DSE: variants seen among roughly 807,000 people sequenced by gnomAD.
DSE encodes the protein dermatan-sulfate epimerase.
In DSE, 36 loss-of-function variants were observed where a neutral mutation model predicts 84.4. The observed-to-expected ratio is 0.43, with a 90% CI of 0.33 to 0.56. DSE has a LOEUF of 0.56. Among genes scored for constraint, DSE ranks in the 20% least tolerant of loss-of-function variants. The pLI is 0.06. For synonymous variants in DSE, 410 were observed against 430.1 expected (o/e 0.95, Z 0.58); for missense variants, 862 against 1,169.6 (o/e 0.74, Z 3.84).
At chr6:116,388,386 G>A (rs989345915) in intron 1 of DSE, among the ~76,000 whole-genome samples, 5 of 152,188 alleles carry the variant, frequency 3.3e-5, no homozygotes, top group Non-Finnish European at 7.3e-5. Flanking sequence ...GCTTTACTCA[G>A]TTTAGTCTCT....
chr6:116,368,455 C>A (rs1034686583), upstream of DSE, among the ~76,000 whole-genome samples: 10 of 152,326 alleles, frequency 6.6e-5, no homozygotes, highest in South Asian at 2.1e-4. Context: ...AATATGTCAA[C>A]AAGCTAAGAG....
At chr6:116,275,403 C>CT (rs1773086339) in intron 2 of DSE, among the ~76,000 whole-genome samples, 1 of 152,198 alleles carries the variant, frequency 6.6e-6, no homozygotes, top group African/African-American at 2.4e-5. Flanking sequence ...TTGACATTTT[C>CT]CCATTTGCTC....
At position 116,441,014 on chromosome 6, in the gene DSE, T is replaced by G. The variant is rs1222576427; in HGVS notation, c.*3669T>G. On this transcript the variant is annotated 3_prime_UTR_variant, in exon 6 of 6. Coordinates refer to ENST00000644252, the MANE Select transcript of DSE (RefSeq NM_013352.4). ...ACTTTCATGTTGAGAAGTAGTTTCT[T>G]TCTGCAGTTTATTTAATTTACTGGC... is the stretch of plus-strand genomic sequence containing the variant. 6.6e-6 allele frequency: 1 copy of G among 152,234 alleles called. No individual in the cohort carries two copies. 9.4% of individuals were successfully genotyped at this position (152,234 alleles called of 1,614,324 possible).
At chr6:116,370,038 T>A, upstream of DSE, 3 of 1,044,370 alleles carry the variant, frequency 2.9e-6, no homozygotes, top group Non-Finnish European at 3.9e-6. Flanking sequence ...ATGGCCCTGA[T>A]CCTACCTCAC....
intron 2 of DSE, among the ~76,000 whole-genome samples, chr6:116,344,090 A>G (rs1777790496): frequency 6.6e-6 from 1 of 152,264 alleles, no homozygotes; most frequent in African/African-American, 2.4e-5. Context: ...GAGAAAAAAG[A>G]GTAAAAAGAA....
intron 2 of DSE, among the ~76,000 whole-genome samples, chr6:116,324,930 C>T (rs1327178684): frequency 6.6e-6 from 1 of 152,180 alleles, no homozygotes; most frequent in African/African-American, 2.4e-5. Flanking sequence ...TATATTTGTA[C>T]TATGAGGCAC....
chr6:116,286,329 A>G (rs1043006131), intron 2 of DSE, among the ~76,000 whole-genome samples: 1 of 152,128 alleles, frequency 6.6e-6, no homozygotes, highest in African/African-American at 2.4e-5. Flanking sequence ...TGTAACCATC[A>G]TTGATGTTAA....
chr6:116,413,854 C>T (rs1314343095), intron 2 of DSE, among the ~76,000 whole-genome samples: 1 of 152,168 alleles, frequency 6.6e-6, no homozygotes, highest in Non-Finnish European at 1.5e-5. Flanking sequence ...ACCATGAGGG[C>T]AGCAAAAATT....
rs569943037 is a variant in DSE at position 116,380,428 on chromosome 6, G to T, written c.-54+9307G>T. On this transcript the variant is annotated intron_variant, in intron 1 of 5. Coordinates refer to ENST00000644252, the MANE Select transcript of DSE (RefSeq NM_013352.4). ...GCAGTAGGATTGCAGGAAGGAAGAG[G>T]TTCCAAGGGCAGAAGAGGGGGAATG... Among the ~76,000 whole-genome samples the T allele has an allele frequency of 4.6e-5, 7 of 152,142 alleles. No individual in the cohort carries two copies. In the South Asian group the frequency reaches 1.2e-3, roughly 27 times the overall value.
chr6:116,370,799 G>T (rs193218281), upstream of DSE: 410 of 981,294 alleles, frequency 4.2e-4, 2 homozygotes, highest in African/African-American at 6.4e-3. Context: ...GGGGGAGGGG[G>T]TCCCCGTTTC....
chr6:116,357,331 G>T (rs1283963590), intron 2 of DSE, among the ~76,000 whole-genome samples: 2 of 152,086 alleles, frequency 1.3e-5, no homozygotes, highest in Non-Finnish European at 2.9e-5. Flanking sequence ...AGGAGATCGA[G>T]ACCATCCTGG....
chr6:116,403,774 A>G (rs2115005278), intron 2 of DSE, among the ~76,000 whole-genome samples: 1 of 152,322 alleles, frequency 6.6e-6, no homozygotes, highest in East Asian at 1.9e-4. Flanking sequence ...CCCAAGGATC[A>G]GAAGGAAGTT....
At chr6:116,382,168 T>C (rs1344515041) in intron 1 of DSE, among the ~76,000 whole-genome samples, 1 of 152,032 alleles carries the variant, frequency 6.6e-6, no homozygotes, top group Non-Finnish European at 1.5e-5. Flanking sequence ...TAAATCTGCA[T>C]GACCCTCTTT....
intron 1 of DSE, among the ~76,000 whole-genome samples, chr6:116,389,223 A>G (rs1391263152): frequency 3.3e-5 from 5 of 152,152 alleles, no homozygotes; most frequent in Non-Finnish European, 5.9e-5. Context: ...CAGAAACCCT[A>G]TGAGGGAGGT....
At chr6:116,299,382 A>G (rs761433854) in intron 2 of DSE, among the ~76,000 whole-genome samples, 2 of 151,726 alleles carry the variant, frequency 1.3e-5, no homozygotes, top group African/African-American at 4.8e-5. Context: ...ATTTGAGCCA[A>G]TTAGAAGTTA....
At chr6:116,417,508 T>G (rs1401208552) in intron 2 of DSE, among the ~76,000 whole-genome samples, 1 of 152,192 alleles carries the variant, frequency 6.6e-6, no homozygotes, top group Admixed American at 6.5e-5. Context: ...CTCAGTATTC[T>G]GCTTGAGTGG....
chr6:116,390,380 A>G lies in DSE; in HGVS notation c.-53-8818A>G, dbSNP rs191813390. 3.9e-5 allele frequency among the ~76,000 whole-genome samples: 6 copies of G among 152,168 alleles called. No individual in the cohort carries two copies. In the East Asian group the frequency reaches 1.2e-3, roughly 29 times the overall value. On this transcript the variant is annotated intron_variant, in intron 1 of 5. Coordinates refer to ENST00000644252, the MANE Select transcript of DSE (RefSeq NM_013352.4). ...ACTGTGCCTGGCCCATAATTCCTGG[A>G]TTTAATACTTTTTCAATACATAGTA...
intron 1 of DSE, among the ~76,000 whole-genome samples, chr6:116,384,972 A>C (rs2114957452): frequency 6.6e-6 from 1 of 152,316 alleles, no homozygotes; most frequent in African/African-American, 2.4e-5. Context: ...GATGTCATTT[A>C]AATAAGGTAG....
At chr6:116,330,476 T>C (rs1017046619) in intron 2 of DSE, among the ~76,000 whole-genome samples, 4 of 152,218 alleles carry the variant, frequency 2.6e-5, no homozygotes, top group Non-Finnish European at 5.9e-5. Flanking sequence ...AAGCAATTTA[T>C]TTTAATAAGG....
Sources: gnomAD v4.1 joint callset for allele counts (sites outside exome capture counted in the v4.1 genomes callset) on GRCh38, gnomAD v4.1.1 for gene constraint, MANE v1.5 for transcripts, NCBI Gene and HGNC (gene_info 2026-07-23, HGNC 2026-07-21) for gene names.